RPGRIP1: variants seen among roughly 807,000 people sequenced by gnomAD.
The protein encoded by RPGRIP1 is RPGR interacting protein 1.
Under a neutral mutation model 157.9 loss-of-function variants are expected in RPGRIP1, and 128 were observed. That is an observed-to-expected ratio of 0.81 (90% CI 0.70 to 0.94). The LOEUF (loss-of-function observed/expected upper bound fraction) is 0.94. RPGRIP1 is among the 40% of genes least tolerant of loss of function. The pLI, the probability that RPGRIP1 is intolerant of heterozygous loss-of-function variation, is 0.00. For missense variants in RPGRIP1, 1,486 were observed against 1,545.8 expected, an observed-to-expected ratio of 0.96 and a Z score of 0.65; for synonymous variants, 554 against 571.6, an observed-to-expected ratio of 0.97 and a Z score of 0.44.
chr14:21,340,839 C>G (rs1294058861), intron 21 of RPGRIP1, among the ~76,000 whole-genome samples: 2 of 152,122 alleles, frequency 1.3e-5, no homozygotes, highest in Admixed American at 6.6e-5. Flanking sequence ...TTCTCCTATT[C>G]CACTAGATAG....
chr14:21,321,838 C>T lies in RPGRIP1; in HGVS notation c.1612-16C>T, dbSNP rs372233468. On this transcript the variant is annotated splice_polypyrimidine_tract_variant and intron_variant, in intron 13 of 24. Coordinates refer to ENST00000400017, the MANE Select transcript of RPGRIP1 (RefSeq NM_020366.4). ...GGCCACTGAGATAGAAAAGTTCAGA[C>T]ATTATTTTGTTTCAGGAGGAACTGG... 14 of 1,607,758 alleles carry T rather than the reference C, an allele frequency of 8.7e-6. No individual in the cohort carries two copies. Among genetic ancestry groups the T allele is most frequent in the Non-Finnish European group, 1.2e-5 (14 of 1,177,326 alleles).
At chr14:21,325,784 A>G (rs1883016449) in intron 16 of RPGRIP1, 47 bp from the exon 17 acceptor site, 1 of 1,393,468 alleles carries the variant, frequency 7.2e-7, no homozygotes, top group Non-Finnish European at 1.0e-6. Context: ...CACCTACAAC[A>G]GTCTCAAGCT....
At chr14:21,312,265 T>C (rs1453900598) in intron 9 of RPGRIP1, among the ~76,000 whole-genome samples, 168 bp from the exon 10 acceptor site, 1 of 152,222 alleles carries the variant, frequency 6.6e-6, no homozygotes, top group African/African-American at 2.4e-5. Context: ...TACAAGTTTC[T>C]AGCCGACCTT....
intron 11 of RPGRIP1, chr14:21,318,209 C>T (rs1245244653): frequency 3.1e-5 from 14 of 458,380 alleles, no homozygotes; most frequent in South Asian, 1.3e-4. Flanking sequence ...CAGGTACAAG[C>T]GATTCTCCTA....
In RPGRIP1 at chr14:21,325,328, C is replaced by G; in HGVS notation, c.2312C>G (p.Ala771Gly). The change falls in exon 16 of 25, where the codon GCC (alanine) becomes GGC (glycine). Residue 771 changes from alanine to glycine, a missense_variant. By Grantham distance (60) the Ala-to-Gly change is moderately conservative. Coordinates refer to ENST00000400017, the MANE Select transcript of RPGRIP1 (RefSeq NM_020366.4). ...CAGGCGTGCAATAAACGAAAGAAAG[C>G]CCAGGTCTACCTGTCAACCGATGTG... ...SLQACNKRKK[A>G]QVYLSTDVLG... The G allele has an allele frequency of 6.2e-7, 1 of 1,605,324 alleles. No homozygotes were observed. Among genetic ancestry groups the G allele is most frequent in the African/African-American group, 1.3e-5 (1 of 74,908 alleles).
At chr14:21,327,307 A>G (rs552597051) in intron 17 of RPGRIP1, among the ~76,000 whole-genome samples, 6 of 152,150 alleles carry the variant, frequency 3.9e-5, no homozygotes, top group Non-Finnish European at 8.8e-5. Flanking sequence ...AGCATTTGAT[A>G]ATAGTAATAA....
At chr14:21,323,197 G>A (rs368774158) in intron 14 of RPGRIP1, among the ~76,000 whole-genome samples, 84 of 152,128 alleles carry the variant, frequency 5.5e-4, no homozygotes, top group African/African-American at 1.7e-3. Context: ...CGAGGCGGGC[G>A]GATTGCCTGA....
intron 1 of RPGRIP1, among the ~76,000 whole-genome samples, chr14:21,282,824 A>C (rs1341938910): frequency 2.0e-5 from 3 of 151,698 alleles, no homozygotes; most frequent in Non-Finnish European, 4.4e-5. Flanking sequence ...GTTAGCCAGG[A>C]TAGTCTTGAT....
At position 21,321,894 on chromosome 14, in the gene RPGRIP1, A is replaced by G. The variant is rs373415938; in HGVS notation, c.1652A>G (p.Asn551Ser). The change falls in exon 14 of 25, where the codon AAT (asparagine) becomes AGT (serine). Residue 551 changes from asparagine (N) to serine (S), a missense_variant. Transcript: ENST00000400017. ...EAMMTKADND[N>S]RDHKEKLERL... The stretch of plus-strand genomic sequence containing the variant: ...ATGATGACAAAAGCTGACAATGATA[A>G]TAGAGATCACAAAGAAAAGCTGGAG... 19 of 1,613,662 alleles carry G rather than the reference A, an allele frequency of 1.2e-5. No individual in the cohort carries two copies. In the African/African-American group the frequency reaches 2.4e-4, roughly 20 times the overall value.
chr14:21,327,595 G>C, intron 17 of RPGRIP1, 28 bp from the exon 18 acceptor site: 1 of 1,599,736 alleles, frequency 6.3e-7, no homozygotes, highest in Non-Finnish European at 8.6e-7. Context: ...ATGTGATCAG[G>C]TCTTATTAAT....
chr14:21,320,394 C>G (rs1161022820), intron 12 of RPGRIP1, among the ~76,000 whole-genome samples: 3 of 149,852 alleles, frequency 2.0e-5, no homozygotes, highest in South Asian at 4.2e-4. Flanking sequence ...GGGTTCACGC[C>G]GTTCTCCTGC....
At chr14:21,313,980 C>CTTTGTTTTTTTT (rs1881655968) in intron 10 of RPGRIP1, among the ~76,000 whole-genome samples, 1 of 144,770 alleles carries the variant, frequency 6.9e-6, no homozygotes, top group African/African-American at 2.6e-5. Flanking sequence ...TGGGGTTTCA[C>CTTTGTTTTTTTT]TCTGTTACCC....
chr14:21,284,631 G>C (rs1014628872), intron 1 of RPGRIP1, among the ~76,000 whole-genome samples: 1 of 140,782 alleles, frequency 7.1e-6, no homozygotes, highest in Admixed American at 8.0e-5. Flanking sequence ...TGCATCCTCC[G>C]CCTCCCGGGT....
intron 1 of RPGRIP1, among the ~76,000 whole-genome samples, chr14:21,285,128 A>G (rs1361655340): frequency 6.6e-6 from 1 of 151,966 alleles, no homozygotes; most frequent in Non-Finnish European, 1.5e-5. Context: ...AGTATAAATA[A>G]ATGAAGGTAG....
In RPGRIP1 at chr14:21,348,237, A is replaced by G. The variant is rs774588678; in HGVS notation, c.3683A>G (p.Tyr1228Cys). 72 of 1,589,596 alleles carry G rather than the reference A, an allele frequency of 4.5e-5. No homozygotes were observed. Among genetic ancestry groups the G allele is most frequent in the Middle Eastern group, 3.3e-4 (2 of 6,040 alleles). The change falls in exon 24 of 25, where the codon TAT becomes TGT. Residue 1228 changes from tyrosine (Y) to cysteine (C), a missense_variant. By Grantham distance (194) the Tyr-to-Cys change is radical. Coordinates refer to ENST00000400017, the MANE Select transcript of RPGRIP1 (RefSeq NM_020366.4). The part of the protein sequence containing the change: ...EEKKECEEVG[Y>C]AYLQLWQILE... The stretch of plus-strand genomic sequence containing the variant: ...AAGAAAGAATGTGAAGAAGTGGGAT[A>G]TGCATATCTTCAACTGTGGCAGATC...
intron 3 of RPGRIP1, among the ~76,000 whole-genome samples, chr14:21,297,834 A>T (rs866308364): frequency 2.3e-5 from 3 of 133,216 alleles, no homozygotes; most frequent in African/African-American, 3.1e-5. Context: ...TCAATAAATT[A>T]TTCTTTCTTT....
intron 21 of RPGRIP1, among the ~76,000 whole-genome samples, chr14:21,335,894 T>TTA (rs1464461970): frequency 8.5e-5 from 13 of 152,300 alleles, no homozygotes; most frequent in African/African-American, 3.1e-4. Context: ...ACACATGAGG[T>TTA]AGAAAACAAT....
At chr14:21,324,103 C>A in intron 14 of RPGRIP1, 1 of 167,848 alleles carries the variant, frequency 6.0e-6, no homozygotes, top group South Asian at 1.4e-4. Flanking sequence ...ATGTTGAAAC[C>A]AAATTCTGAA....
chr14:21,317,782 T>C lies in RPGRIP1; in HGVS notation c.1238T>C (p.Leu413Pro). The change falls in exon 11 of 25, where the codon CTG (leucine) becomes CCG (proline). Residue 413 changes from leucine (L) to proline (P), a missense_variant. By Grantham distance (98) the Leu-to-Pro change is moderately conservative (BLOSUM62 -3). Coordinates refer to ENST00000400017, the MANE Select transcript of RPGRIP1 (RefSeq NM_020366.4). ...AEQLQQQVSQ[L>P]QDQLDAELED... ...CAGCTACAGCAGCAAGTCTCTCAGC[T>C]GCAGGATCAGCTGGATGCTGAGCTG... The C allele has an allele frequency of 6.2e-7, 1 of 1,602,226 alleles. No individual in the cohort carries two copies. Among genetic ancestry groups the C allele is most frequent in the South Asian group, 1.1e-5 (1 of 88,530 alleles).
Sources: allele counts gnomAD v4.1 joint callset (sites outside exome capture counted in the v4.1 genomes callset), GRCh38; gene constraint gnomAD v4.1.1; transcripts MANE v1.5; gene names NCBI Gene and HGNC (gene_info 2026-07-23, HGNC 2026-07-21).